Variants in CAMTA1 observed in about 807,000 individuals in gnomAD.
CAMTA1 encodes the protein calmodulin-binding transcription activator 1.
In CAMTA1, 27 loss-of-function variants were observed where a neutral mutation model predicts 170.9. The observed-to-expected ratio is 0.16, with a 90% CI of 0.12 to 0.22. CAMTA1 has a LOEUF of 0.22. CAMTA1 is among the 10% of genes least tolerant of loss of function. The pLI, the probability that CAMTA1 is intolerant of heterozygous loss-of-function variation, is 1.00. For missense variants in CAMTA1, 1,619 were observed against 2,217.2 expected (o/e 0.73, Z 5.42); for synonymous variants, 833 against 891.5 (o/e 0.93, Z 1.17).
intron 5 of CAMTA1, among the ~76,000 whole-genome samples, chr1:7,284,181 T>C (rs1331453822): frequency 2.7e-5 from 2 of 73,054 alleles, no homozygotes; most frequent in Non-Finnish European, 2.8e-5. Flanking sequence ...CTTCTTCTTA[T>C]TATTATTATT....
intron 6 of CAMTA1, among the ~76,000 whole-genome samples, chr1:7,545,379 C>T (rs2094677810): frequency 6.6e-6 from 1 of 152,230 alleles, no homozygotes; most frequent in Admixed American, 6.5e-5. Context: ...TGATACATGT[C>T]TATCAACTAA....
intron 5 of CAMTA1, among the ~76,000 whole-genome samples, chr1:7,371,260 TTTGTTTGTTTGTTTC>T (rs763469105): frequency 7.9e-5 from 5 of 63,604 alleles, no homozygotes; most frequent in Non-Finnish European, 1.5e-4. Context: ...TGTTTGTTTG[TTTGTTTGTTTGTTTC>T]GAGATGGAGT....
intron 4 of CAMTA1, among the ~76,000 whole-genome samples, chr1:7,170,901 C>T (rs1036629307): frequency 1.3e-5 from 2 of 152,126 alleles, no homozygotes; most frequent in African/African-American, 2.4e-5. Context: ...GTATTGGTTC[C>T]AGCAAATATG....
At position 6,940,246 on chromosome 1, in the gene CAMTA1, C is replaced by T. The variant is rs553942982; in HGVS notation, c.234+115036C>T. Among the ~76,000 whole-genome samples the T allele has an allele frequency of 7.9e-5, 12 of 152,354 alleles. No individual in the cohort carries two copies. In the South Asian group the frequency reaches 2.5e-3, roughly 32 times the overall value. ...AGTCCCATGATCTACTCTCTGTGAA[C>T]TGGAAACCCAGGAGAGCTGGTTTTG... is the stretch of plus-strand genomic sequence containing the variant. On this transcript the variant is annotated intron_variant, in intron 3 of 22. Coordinates refer to ENST00000303635, the MANE Select transcript of CAMTA1 (RefSeq NM_015215.4).
rs1371600953 is a variant in CAMTA1, at chr1:6,918,275, A to G, written c.234+93065A>G. ...CTGGAGAGTACTGAAGAAGAATAAT[A>G]TTTTTTTAATCTAAAAGAACTTTAC... On this transcript the variant is annotated intron_variant, in intron 3 of 22. Coordinates refer to ENST00000303635, the MANE Select transcript of CAMTA1 (RefSeq NM_015215.4). The surrounding 1 kb of genome is among the most constrained non-coding windows in gnomAD (Gnocchi z 4.0). Among the ~76,000 whole-genome samples the G allele has an allele frequency of 2.0e-5, 3 of 152,102 alleles. No homozygotes were observed. The highest frequency in any genetic ancestry group is 2.9e-5 in the Non-Finnish European group (2 of 68,006).
At chr1:7,686,582 G>A (rs1023795001) in intron 11 of CAMTA1, among the ~76,000 whole-genome samples, 58 of 152,266 alleles carry the variant, frequency 3.8e-4, no homozygotes, top group African/African-American at 1.3e-3. Flanking sequence ...CAAGAGTAGG[G>A]GGCTGGGCTT....
rs1297505523 is a variant in CAMTA1 at position 7,732,575 on chromosome 1, C to T, written c.3042C>T (p.Ser1014=). The T allele has an allele frequency of 8.7e-6, 14 of 1,609,752 alleles. No individual in the cohort carries two copies. Among genetic ancestry groups the T allele is most frequent in the African/African-American group, 1.3e-5 (1 of 74,784 alleles). ...GGGSSGGGSG[S]GNGGSQAQCA... is the part of the protein sequence containing the mutation. Reference sequence around the variant, plus strand: ...GCAGCAGTGGAGGCGGCAGCGGGAGCGGGAATGGAGGGAGCCAGGCACAGG... The same window carrying T: ...GCAGCAGTGGAGGCGGCAGCGGGAGTGGGAATGGAGGGAGCCAGGCACAGG... Residue 1014 remains serine (S), a synonymous_variant, in exon 12 of 23, where the codon AGC becomes AGT. Coordinates refer to ENST00000303635, the MANE Select transcript of CAMTA1 (RefSeq NM_015215.4). This position sits in a 1 kb window ranked among gnomAD's most constrained non-coding sequence, Gnocchi z 4.1.
intron 4 of CAMTA1, among the ~76,000 whole-genome samples, chr1:7,192,065 G>C (rs1654630241): frequency 6.6e-6 from 1 of 152,160 alleles, no homozygotes; most frequent in Non-Finnish European, 1.5e-5. Flanking sequence ...TCTTTTGCTA[G>C]GAGCTATTGG....
At chr1:7,407,154 G>A (rs565320330) in intron 5 of CAMTA1, among the ~76,000 whole-genome samples, 14 of 152,320 alleles carry the variant, frequency 9.2e-5, no homozygotes, top group African/African-American at 2.4e-4. Flanking sequence ...ATCGCCGCTC[G>A]GCCCCATGCA....
At chr1:6,805,143 A>G (rs1406482720) in intron 1 of CAMTA1, among the ~76,000 whole-genome samples, 2 of 152,234 alleles carry the variant, frequency 1.3e-5, no homozygotes, top group Non-Finnish European at 2.9e-5. Flanking sequence ...CATTCCCACC[A>G]GCAAGTATGA....
At chr1:6,888,995 G>A (rs1298768952) in intron 3 of CAMTA1, among the ~76,000 whole-genome samples, 1 of 152,146 alleles carries the variant, frequency 6.6e-6, no homozygotes, top group South Asian at 2.1e-4. Context: ...GTTCATTTCA[G>A]TGTAAACTTC....
At chr1:7,355,308 G>A (rs200938518) in intron 5 of CAMTA1, among the ~76,000 whole-genome samples, 10 of 139,780 alleles carry the variant, frequency 7.2e-5, no homozygotes, top group African/African-American at 1.9e-4. Context: ...GGCTTGGCCC[G>A]GAGGGGGTCA....
chr1:7,259,917 C>T (rs2149350750), intron 5 of CAMTA1, among the ~76,000 whole-genome samples: 1 of 152,310 alleles, frequency 6.6e-6, no homozygotes, highest in East Asian at 1.9e-4. Context: ...TGCTATAGCC[C>T]AGTGCTTGGC....
intron 5 of CAMTA1, among the ~76,000 whole-genome samples, chr1:7,334,606 G>A (rs999581250): frequency 2.6e-5 from 4 of 152,160 alleles, no homozygotes; most frequent in Admixed American, 2.6e-4. Flanking sequence ...TCTCCCCCGG[G>A]GGATGTCTCT....
At chr1:7,337,850 A>G (rs531674364) in intron 5 of CAMTA1, among the ~76,000 whole-genome samples, 2 of 152,242 alleles carry the variant, frequency 1.3e-5, no homozygotes, top group African/African-American at 4.8e-5. Flanking sequence ...TGGACTCAAG[A>G]TTACAGCATC....
chr1:7,335,140 G>GTGTGTGTGTGT lies in CAMTA1; in HGVS notation c.438+85514_438+85515insTGTGTGTGTGT, dbSNP rs781434178. ...GCACAGCTTTTGTGTGTGTGTGTGT[G>GTGTGTGTGTGT]GGGGGGGGGGGGGGGGGTGGGGGTG... On this transcript the variant is annotated intron_variant, in intron 5 of 22. Transcript: ENST00000303635. Among the ~76,000 whole-genome samples, 40 of 61,550 alleles carry GTGTGTGTGTGT rather than the reference G, an allele frequency of 6.5e-4. 1 individual carries two copies. Among genetic ancestry groups the GTGTGTGTGTGT allele is most frequent in the East Asian group, 1.3e-3 (3 of 2,398 alleles). The allele number at this position is 61,550 out of a possible 152,430, so 40.4% of individuals were successfully genotyped here.
intron 3 of CAMTA1, among the ~76,000 whole-genome samples, chr1:6,957,764 G>T (rs751343173): frequency 6.6e-6 from 1 of 152,108 alleles, no homozygotes; most frequent in Non-Finnish European, 1.5e-5. Flanking sequence ...ACCATGTAAC[G>T]TAGTATATTC....
intron 6 of CAMTA1, among the ~76,000 whole-genome samples, chr1:7,628,855 G>A (rs919745138): frequency 2.6e-5 from 4 of 152,228 alleles, no homozygotes; most frequent in Non-Finnish European, 5.9e-5. Context: ...GGCTGGTGAG[G>A]AGGCCATGTG....
Position 7,682,210 on chromosome 1 carries a change from G to A in CAMTA1, c.2914+4477G>A, listed in dbSNP as rs542099822. ...TCATCTCAGGCAGAGCGGGGAGCAT[G>A]GACTAAAAGCTCAAACTTCATTATC... On this transcript the variant is annotated intron_variant, in intron 11 of 22. Transcript: ENST00000303635. The surrounding 1 kb of genome is among the most constrained non-coding windows in gnomAD (Gnocchi z 5.0). 6.6e-6 allele frequency among the ~76,000 whole-genome samples: 1 copy of A among 152,202 alleles called. No homozygotes were observed. Among genetic ancestry groups the A allele is most frequent in the Non-Finnish European group, 1.5e-5 (1 of 68,034 alleles).
Sources: allele counts gnomAD v4.1 joint callset (sites outside exome capture counted in the v4.1 genomes callset), GRCh38; gene constraint gnomAD v4.1.1; non-coding constraint Gnocchi (gnomAD v3.1); transcripts MANE v1.5; gene names NCBI Gene and HGNC (gene_info 2026-07-23, HGNC 2026-07-21).